TFEC: variants seen among roughly 807,000 people sequenced by gnomAD.
TFEC encodes class E basic helix-loop-helix protein 34.
TFEC carries 31 observed loss-of-function variants against 41.6 expected under a neutral mutation model. That is an observed-to-expected ratio of 0.74 (90% CI 0.56 to 1.01). The LOEUF (loss-of-function observed/expected upper bound fraction) is 1.01. Ranked by LOEUF, TFEC falls within the 50% of genes least tolerant of loss-of-function variation. The pLI, the probability that TFEC is intolerant of heterozygous loss-of-function variation, is 0.00. For missense variants in TFEC, 402 were observed against 404.1 expected, an observed-to-expected ratio of 0.99 and a Z score of 0.04; for synonymous variants, 143 against 140.6, an observed-to-expected ratio of 1.02 and a Z score of -0.12.
intron 1 of TFEC, among the ~76,000 whole-genome samples, chr7:115,986,566 TCAG>T (rs1213503987): frequency 1.3e-5 from 2 of 151,936 alleles, no homozygotes; most frequent in Non-Finnish European, 2.9e-5. Context: ...TGATTTTAAG[TCAG>T]CTGTTGGAAG....
At chr7:115,954,127 A>AGAGGTGAAATTCAGC (rs777379367) in intron 5 of TFEC, among the ~76,000 whole-genome samples, 196 of 152,210 alleles carry the variant, frequency 1.3e-3, no homozygotes, top group Non-Finnish European at 2.4e-3. Flanking sequence ...TATTTGTTCC[A>AGAGGTGAAATTCAGC]GAGGTGAAAT....
At chr7:116,016,266 A>G (rs1003252) in intron 1 of TFEC, among the ~76,000 whole-genome samples, 130,794 of 152,116 alleles carry the variant, frequency 0.86, 56,346 homozygotes, top group Non-Finnish European at 0.88. Context: ...GGGACTTGGC[A>G]AGAACAGAAA....
intron 3 of TFEC, among the ~76,000 whole-genome samples, chr7:116,071,910 A>G (rs1031031299): frequency 1.3e-5 from 2 of 151,440 alleles, no homozygotes; most frequent in African/African-American, 4.8e-5. Context: ...CTTAGTAGTA[A>G]CAGTAGTATT....
intron 5 of TFEC, among the ~76,000 whole-genome samples, chr7:115,953,757 C>T (rs1488449802): frequency 6.6e-6 from 1 of 152,088 alleles, no homozygotes; most frequent in Non-Finnish European, 1.5e-5. Context: ...GTCACACACT[C>T]AGCAAACATC....
chr7:116,002,355 T>C (rs1794630533), intron 1 of TFEC, among the ~76,000 whole-genome samples: 1 of 152,190 alleles, frequency 6.6e-6, no homozygotes, highest in African/African-American at 2.4e-5. Flanking sequence ...TAAAAATGAA[T>C]GACATCCTAT....
At chr7:115,972,516 C>G (rs1054821436) in intron 3 of TFEC, among the ~76,000 whole-genome samples, 1 of 152,080 alleles carries the variant, frequency 6.6e-6, no homozygotes, top group Non-Finnish European at 1.5e-5. Context: ...ATTGTCATCT[C>G]TTGACATGTG....
chr7:116,059,390 T>C (rs1354061846), intron 3 of TFEC, among the ~76,000 whole-genome samples: 1 of 151,946 alleles, frequency 6.6e-6, no homozygotes, highest in Non-Finnish European at 1.5e-5. Flanking sequence ...TAAGCTCAGA[T>C]GACTTCATTG....
chr7:116,112,439 T>C (rs1314935113), intron 1 of TFEC, among the ~76,000 whole-genome samples: 1 of 152,044 alleles, frequency 6.6e-6, no homozygotes, highest in African/African-American at 2.4e-5. Context: ...AAATTCATTG[T>C]ATGTTATTTC....
At chr7:116,122,476 A>G (rs1237158336) in intron 1 of TFEC, among the ~76,000 whole-genome samples, 1 of 152,060 alleles carries the variant, frequency 6.6e-6, no homozygotes, top group Non-Finnish European at 1.5e-5. Flanking sequence ...TTTCCATGGA[A>G]ACATGCATTC....
intron 3 of TFEC, among the ~76,000 whole-genome samples, chr7:116,053,531 G>A (rs1796362450): frequency 6.6e-6 from 1 of 152,220 alleles, no homozygotes; most frequent in African/African-American, 2.4e-5. Flanking sequence ...ATTGAGAGGT[G>A]GAAAACGGGT....
chr7:115,942,001 T>C lies in TFEC; in HGVS notation c.555A>G (p.Ser185=), dbSNP rs772249684. 1.1e-5 allele frequency: 18 copies of C among 1,613,052 alleles called. No homozygotes were observed. Among genetic ancestry groups the C allele is most frequent in the Non-Finnish European group, 1.4e-5 (17 of 1,179,312 alleles). Residue 185 remains serine (S), a synonymous_variant, in exon 7 of 8, where the codon TCA becomes TCG. Coordinates refer to ENST00000265440, the MANE Select transcript of TFEC (RefSeq NM_012252.4). ...TTTGTAGCCACTTGATGTACTCCACTGATGCTTTTAGAATGGTTCCTTTGT... is the reference window on the plus strand; with the variant it reads ...TTTGTAGCCACTTGATGTACTCCACCGATGCTTTTAGAATGGTTCCTTTGT... The part of the protein sequence containing the change: ...RWNKGTILKA[S]VEYIKWLQKE...
chr7:116,032,219 G>A (rs889943665), upstream of TFEC, among the ~76,000 whole-genome samples: 2 of 151,950 alleles, frequency 1.3e-5, no homozygotes, highest in African/African-American at 4.8e-5. Context: ...TGGCATAATC[G>A]GGTAGTTACT....
chr7:116,059,863 C>T (rs565703431), intron 3 of TFEC, among the ~76,000 whole-genome samples: 15 of 152,016 alleles, frequency 9.9e-5, no homozygotes, highest in Middle Eastern at 3.4e-3. Context: ...TCTATGAAAA[C>T]ATATATAACA....
intron 3 of TFEC, among the ~76,000 whole-genome samples, chr7:116,065,762 A>G (rs1796680390): frequency 6.6e-6 from 1 of 152,184 alleles, no homozygotes; most frequent in Admixed American, 6.6e-5. Context: ...AAGAATTTAT[A>G]TCAAATATAG....
chr7:116,031,180 A>T (rs961790866), upstream of TFEC, among the ~76,000 whole-genome samples: 1 of 151,944 alleles, frequency 6.6e-6, no homozygotes, highest in Non-Finnish European at 1.5e-5. Context: ...TCTTTAGAGC[A>T]TTAATAGATT....
intron 1 of TFEC, among the ~76,000 whole-genome samples, chr7:116,027,589 C>T (rs531567253): frequency 6.6e-6 from 1 of 151,804 alleles, no homozygotes; most frequent in Non-Finnish European, 1.5e-5. Context: ...AGAGTGAGAC[C>T]CTGTCTCAAA....
intron 3 of TFEC, among the ~76,000 whole-genome samples, chr7:116,041,004 C>A (rs1796023388): frequency 1.3e-5 from 2 of 152,048 alleles, no homozygotes; most frequent in African/African-American, 4.8e-5. Flanking sequence ...ATATTAACAC[C>A]TAATTTCCCA....
chr7:116,078,899 A>G (rs940102255), intron 3 of TFEC, among the ~76,000 whole-genome samples: 1 of 152,122 alleles, frequency 6.6e-6, no homozygotes, highest in Non-Finnish European at 1.5e-5. Flanking sequence ...ACAGGCCAAT[A>G]TCCCTGATGA....
chr7:116,101,573 C>T (rs1398728573), intron 3 of TFEC, among the ~76,000 whole-genome samples: 1 of 152,032 alleles, frequency 6.6e-6, no homozygotes, highest in Non-Finnish European at 1.5e-5. Flanking sequence ...CAATAGTAAA[C>T]CTGACTGGCT....
Sources: allele counts gnomAD v4.1 joint callset (sites outside exome capture counted in the v4.1 genomes callset), GRCh38; gene constraint gnomAD v4.1.1; transcripts MANE v1.5; gene names NCBI Gene and HGNC (gene_info 2026-07-23, HGNC 2026-07-21).